HECW2: variants seen among roughly 807,000 people sequenced by gnomAD.
HECW2 encodes the protein HECT, C2 and WW domain containing E3 ubiquitin protein ligase 2, also known as E3 ubiquitin-protein ligase HECW2.
HECW2 carries 61 observed loss-of-function variants against 175.2 expected under a neutral mutation model. The observed-to-expected ratio is 0.35, with a 90% CI of 0.28 to 0.43. The LOEUF is 0.43. HECW2 is among the 20% of genes least tolerant of loss of function. The pLI, the probability that HECW2 is intolerant of heterozygous loss-of-function variation, is 1.00. For synonymous variants in HECW2, 671 were observed against 731.0 expected, an observed-to-expected ratio of 0.92 and a Z score of 1.32; for missense variants, 1,524 against 2,000.5, an observed-to-expected ratio of 0.76 and a Z score of 4.54.
intron 1 of HECW2, among the ~76,000 whole-genome samples, chr2:196,533,089 A>C (rs1033589919): frequency 7.2e-5 from 11 of 152,240 alleles, no homozygotes; most frequent in African/African-American, 2.7e-4. Context: ...ACCTTAAATA[A>C]GATTACAATT....
At chr2:196,279,845 C>A (rs1332813697) in intron 14 of HECW2, among the ~76,000 whole-genome samples, 1 of 152,186 alleles carries the variant, frequency 6.6e-6, no homozygotes, top group South Asian at 2.1e-4. Flanking sequence ...ATTTCTCCCC[C>A]ATAATGTGTT....
At chr2:196,243,736 C>G (rs1445123082) in intron 19 of HECW2, among the ~76,000 whole-genome samples, 1 of 151,814 alleles carries the variant, frequency 6.6e-6, no homozygotes, top group Non-Finnish European at 1.5e-5. Context: ...TGCACCTCCA[C>G]GCCCAGCTAA....
At chr2:196,229,919 T>C (rs564076292) in intron 21 of HECW2, among the ~76,000 whole-genome samples, 2 of 152,308 alleles carry the variant, frequency 1.3e-5, no homozygotes, top group Non-Finnish European at 2.9e-5. Context: ...AATGAATACA[T>C]GAATATTAAA....
chr2:196,500,810 T>G (rs1328070592), intron 1 of HECW2, among the ~76,000 whole-genome samples: 1 of 152,218 alleles, frequency 6.6e-6, no homozygotes, highest in African/African-American at 2.4e-5. Flanking sequence ...TGTATTCCCC[T>G]GTTACTTCCT....
At chr2:196,472,317 C>G (rs531266554) in intron 1 of HECW2, among the ~76,000 whole-genome samples, 3 of 151,306 alleles carry the variant, frequency 2.0e-5, no homozygotes, top group African/African-American at 7.3e-5. Flanking sequence ...AACCCTGTCT[C>G]TACTAAAAAT....
chr2:196,217,079 G>A lies in HECW2; in HGVS notation c.4423C>T (p.His1475Tyr), dbSNP rs1195678087. Reference protein sequence around the residue: ...TEYRGGYHDNHIVIRWFWAAV... With the variant: ...TEYRGGYHDNYIVIRWFWAAV... The stretch of plus-strand genomic sequence containing the variant: ...GCCCAGAACCACCGAATTACAATAT[G>A]ATTGTCATGGTATCCTATCAAACCA... Residue 1475 changes from histidine (H) to tyrosine (Y), a missense_variant, in exon 27 of 29, where the codon CAT (histidine) becomes TAT (tyrosine). His to Tyr is a moderately conservative substitution (Grantham distance 83, BLOSUM62 2). Transcript: ENST00000644978. 1 of 1,582,402 alleles carries A rather than the reference G, an allele frequency of 6.3e-7. No individual in the cohort carries two copies. The highest frequency in any genetic ancestry group is 8.6e-7 in the Non-Finnish European group (1 of 1,167,866).
intron 1 of HECW2, among the ~76,000 whole-genome samples, chr2:196,569,363 AAACTAAAC>A (rs1690296748): frequency 1.3e-5 from 2 of 150,628 alleles, no homozygotes; most frequent in African/African-American, 5.0e-5. Flanking sequence ...AAACTAAACT[AAACTAAAC>A]TAAAATAAAA....
chr2:196,473,080 T>G (rs1320515779), intron 1 of HECW2, among the ~76,000 whole-genome samples: 1 of 152,244 alleles, frequency 6.6e-6, no homozygotes, highest in East Asian at 1.9e-4. Context: ...AACAGATAAC[T>G]GATAGCAATT....
At chr2:196,519,194 C>T (rs1028169012) in intron 1 of HECW2, among the ~76,000 whole-genome samples, 7 of 152,198 alleles carry the variant, frequency 4.6e-5, no homozygotes, top group Non-Finnish European at 7.3e-5. Context: ...GGCTAAGCAG[C>T]ATGCCCAGTC....
intron 3 of HECW2, 103 bp from the exon 4 acceptor site, chr2:196,334,621 T>C (rs142547315): frequency 1.2e-6 from 1 of 820,670 alleles, no homozygotes; most frequent in African/African-American, 1.7e-5. Context: ...ATCCTACTCA[T>C]GACTCTGAAT....
chr2:196,320,443 C>T lies in HECW2; in HGVS notation c.885-4G>A. 6.3e-7 allele frequency: 1 copy of T among 1,596,012 alleles called. No individual in the cohort carries two copies. Among genetic ancestry groups the T allele is most frequent in the Non-Finnish European group, 8.6e-7 (1 of 1,164,544 alleles). On this transcript the variant is annotated splice_polypyrimidine_tract_variant and splice_region_variant and intron_variant, in intron 7 of 28. Transcript: ENST00000644978. ...GTTGTAGCTGAGCATTTGATCACTG[C>T]AAGAAGAGAAATGCTTCTTTCATCC... is the stretch of plus-strand genomic sequence containing the variant.
intron 2 of HECW2, among the ~76,000 whole-genome samples, chr2:196,347,678 T>A (rs1693008181): frequency 6.6e-6 from 1 of 152,256 alleles, no homozygotes; most frequent in Non-Finnish European, 1.5e-5. Context: ...TGGATGGGCC[T>A]GTTTTGATTA....
intron 2 of HECW2, among the ~76,000 whole-genome samples, chr2:196,395,983 T>G (rs956928827): frequency 6.6e-6 from 1 of 152,184 alleles, no homozygotes; most frequent in Non-Finnish European, 1.5e-5. Flanking sequence ...AAACTGAGTG[T>G]CCATTGAATA....
chr2:196,342,960 AC>A (rs1692812099), intron 3 of HECW2, among the ~76,000 whole-genome samples: 2 of 194 alleles, frequency 0.01, no homozygotes. Context: ...TAATTTATAT[AC>A]CATACATTAT....
rs193080727 is a variant in HECW2 at position 196,241,796 on chromosome 2, C to T, written c.3650+288G>A. Among the ~76,000 whole-genome samples, 38 of 152,300 alleles carry T rather than the reference C, an allele frequency of 2.5e-4. 1 individual carries two copies. The highest frequency in any genetic ancestry group is 1.0e-3 in the South Asian group (5 of 4,832). Reference sequence around the variant, plus strand: ...AGCTAATGAATATACTATGCACCAACAAAGACATACTTTTCAGAGGAAAAA... The same window carrying T: ...AGCTAATGAATATACTATGCACCAATAAAGACATACTTTTCAGAGGAAAAA... On this transcript the variant is annotated intron_variant, in intron 20 of 28. Coordinates refer to ENST00000644978, the MANE Select transcript of HECW2 (RefSeq NM_001348768.2).
intron 1 of HECW2, among the ~76,000 whole-genome samples, chr2:196,532,624 T>C (rs1688880177): frequency 2.0e-5 from 3 of 151,924 alleles, no homozygotes; most frequent in Admixed American, 6.6e-5. Context: ...ACTTAAAGTA[T>C]AATAATTTAA....
At chr2:196,404,136 A>G (rs1427590451) in intron 2 of HECW2, among the ~76,000 whole-genome samples, 1 of 152,236 alleles carries the variant, frequency 6.6e-6, no homozygotes, top group African/African-American at 2.4e-5. Flanking sequence ...TAAAGAGCTT[A>G]GCAACTTGTA....
chr2:196,419,409 T>A (rs980733064), intron 2 of HECW2, among the ~76,000 whole-genome samples: 1 of 152,192 alleles, frequency 6.6e-6, no homozygotes, highest in Non-Finnish European at 1.5e-5. Flanking sequence ...AATTTCCACC[T>A]CCTGGAATGA....
At chr2:196,427,912 A>G (rs1028056759) in intron 2 of HECW2, among the ~76,000 whole-genome samples, 8 of 152,180 alleles carry the variant, frequency 5.3e-5, no homozygotes, top group Non-Finnish European at 1.2e-4. Context: ...TGTATTTCCA[A>G]TAGGGCCTAT....
Sources: allele counts gnomAD v4.1 joint callset (sites outside exome capture counted in the v4.1 genomes callset), GRCh38; gene constraint gnomAD v4.1.1; transcripts MANE v1.5; gene names NCBI Gene and HGNC (gene_info 2026-07-23, HGNC 2026-07-21).